Variants in SEC22A observed in about 807,000 individuals in gnomAD.
The protein encoded by SEC22A is vesicle-trafficking protein SEC22a.
A neutral mutation model predicts 35.3 loss-of-function variants in SEC22A; 22 were observed. The ratio of observed to expected loss-of-function variants is 0.62; its 90% confidence interval spans 0.45 to 0.89. The LOEUF is 0.89. Ranked by LOEUF, SEC22A falls within the 40% of genes least tolerant of loss-of-function variation. SEC22A has a pLI of 0.00. For missense variants in SEC22A, 354 were observed against 362.5 expected (o/e 0.98, Z 0.19); for synonymous variants, 119 against 129.5 (o/e 0.92, Z 0.55).
intron 2 of SEC22A, among the ~76,000 whole-genome samples, chr3:123,210,046 C>T (rs1936914536): frequency 6.6e-6 from 1 of 152,042 alleles, no homozygotes; most frequent in East Asian, 1.9e-4. Flanking sequence ...AAAGTGAGGC[C>T]AGAAAGGTAG....
intron 4 of SEC22A, among the ~76,000 whole-genome samples, chr3:123,239,443 C>T (rs1337253087): frequency 6.6e-6 from 1 of 151,984 alleles, no homozygotes; most frequent in Non-Finnish European, 1.5e-5. Flanking sequence ...CTATCCCTCC[C>T]CCCTCCACCC....
chr3:123,216,486 AT>A (rs1937026176), intron 2 of SEC22A, among the ~76,000 whole-genome samples: 1 of 152,178 alleles, frequency 6.6e-6, no homozygotes, highest in Non-Finnish European at 1.5e-5. Flanking sequence ...CATCTGGCAT[AT>A]TTCATATTAA....
intron 1 of SEC22A, among the ~76,000 whole-genome samples, chr3:123,203,987 T>C (rs905195494): frequency 6.6e-6 from 1 of 152,180 alleles, no homozygotes; most frequent in Non-Finnish European, 1.5e-5. Context: ...GTAGAAGGCA[T>C]AGGCAAAATG....
intron 6 of SEC22A, among the ~76,000 whole-genome samples, chr3:123,266,440 A>G (rs1040617458): frequency 1.1e-4 from 17 of 152,132 alleles, no homozygotes; most frequent in Non-Finnish European, 1.6e-4. Flanking sequence ...TTTCCGTCTT[A>G]GCACTTCTTT....
rs1407883536 is a variant in SEC22A, at chr3:123,209,309, A to G, written c.92A>G (p.Gln31Arg). The change falls in exon 2 of 7, where the codon CAG becomes CGG. Residue 31 changes from glutamine to arginine, a missense_variant. By Grantham distance (43) the Gln-to-Arg change is conservative. Transcript: ENST00000492595. ...STDYEQSTGMQECRKYFKMLS... is the reference protein window; with the variant it reads ...STDYEQSTGMRECRKYFKMLS... ...GATTATGAACAAAGCACAGGAATGC[A>G]GGAGTGCAGAAAGTATTTTAAAATG... 2 of 1,613,912 alleles carry G rather than the reference A, an allele frequency of 1.2e-6. No individual in the cohort carries two copies. The highest frequency in any genetic ancestry group is 1.7e-6 in the Non-Finnish European group (2 of 1,179,900).
At chr3:123,229,186 A>G (rs1262742005) in intron 4 of SEC22A, among the ~76,000 whole-genome samples, 1 of 152,248 alleles carries the variant, frequency 6.6e-6, no homozygotes, top group Non-Finnish European at 1.5e-5. Flanking sequence ...TAGATGAATC[A>G]TAGTAAAATG....
intron 2 of SEC22A, among the ~76,000 whole-genome samples, chr3:123,218,454 G>A (rs537981788): frequency 1.3e-5 from 2 of 152,196 alleles, no homozygotes; most frequent in Non-Finnish European, 2.9e-5. Flanking sequence ...AGGAGAGAGT[G>A]TGTGTTTGTA....
chr3:123,255,772 C>T (rs1341013624), intron 5 of SEC22A, among the ~76,000 whole-genome samples: 2 of 151,934 alleles, frequency 1.3e-5, no homozygotes, highest in Non-Finnish European at 1.5e-5. Flanking sequence ...TTTTAGTGGC[C>T]GCATGACTTT....
chr3:123,232,066 C>G lies in SEC22A; in HGVS notation c.541+6769C>G, dbSNP rs139912348. On this transcript the variant is annotated intron_variant, in intron 4 of 6. Transcript: ENST00000492595. ...CTAGCCTGGCCAACATAGCAAAACC[C>G]CATTTCTACTAAAAATACAAAAAAT... Among the ~76,000 whole-genome samples, 883 of 152,186 alleles carry G rather than the reference C, an allele frequency of 5.8e-3. 8 individuals carry two copies. Among genetic ancestry groups the G allele is most frequent in the African/African-American group, 0.02 (830 of 41,512 alleles).
chr3:123,269,343 A>G (rs1938106493), intron 6 of SEC22A, among the ~76,000 whole-genome samples: 1 of 152,178 alleles, frequency 6.6e-6, no homozygotes, highest in African/African-American at 2.4e-5. Context: ...GGCAAGAATC[A>G]TTAATGGATA....
chr3:123,238,963 TA>T (rs1258739794), intron 4 of SEC22A, among the ~76,000 whole-genome samples: 2 of 152,250 alleles, frequency 1.3e-5, no homozygotes, highest in African/African-American at 4.8e-5. Context: ...TACTCAACTA[TA>T]ACAACGATAT....
At chr3:123,246,979 C>T (rs866066081) in intron 5 of SEC22A, among the ~76,000 whole-genome samples, 1 of 152,212 alleles carries the variant, frequency 6.6e-6, no homozygotes, top group African/African-American at 2.4e-5. Flanking sequence ...AGGAGATGGA[C>T]AGGACTTCTT....
chr3:123,256,123 C>T (rs998852412), intron 5 of SEC22A, among the ~76,000 whole-genome samples: 7 of 151,908 alleles, frequency 4.6e-5, no homozygotes, highest in African/African-American at 1.5e-4. Flanking sequence ...CATAGTTGCC[C>T]CCAGAATGTT....
chr3:123,239,991 G>C (rs1404406745), intron 4 of SEC22A, among the ~76,000 whole-genome samples: 1 of 152,144 alleles, frequency 6.6e-6, no homozygotes, highest in Non-Finnish European at 1.5e-5. Context: ...TTCTATCTCT[G>C]GTTGTCTGAC....
At chr3:123,267,856 AT>A (rs968743387) in intron 6 of SEC22A, among the ~76,000 whole-genome samples, 1 of 151,974 alleles carries the variant, frequency 6.6e-6, no homozygotes, top group Non-Finnish European at 1.5e-5. Context: ...ATTTGGCAGT[AT>A]TTTTTTCTTT....
intron 4 of SEC22A, among the ~76,000 whole-genome samples, chr3:123,236,019 G>C (rs566006164): frequency 5.3e-5 from 8 of 152,280 alleles, no homozygotes; most frequent in African/African-American, 1.4e-4. Flanking sequence ...ACAGGAAGTA[G>C]ATTAATGATT....
chr3:123,227,197 A>G (rs1443601954), intron 4 of SEC22A, among the ~76,000 whole-genome samples: 1 of 151,764 alleles, frequency 6.6e-6, no homozygotes, highest in African/African-American at 2.4e-5. Context: ...TTTGTTTAAG[A>G]AAATTATTCC....
At chr3:123,256,389 A>G (rs1339346066) in intron 5 of SEC22A, among the ~76,000 whole-genome samples, 2 of 152,174 alleles carry the variant, frequency 1.3e-5, no homozygotes, top group Admixed American at 1.3e-4. Context: ...CTTTTCTTCC[A>G]TATGCCCAAC....
intron 4 of SEC22A, chr3:123,243,696 T>C (rs1216044748): frequency 2.0e-5 from 3 of 152,226 alleles, no homozygotes. Flanking sequence ...TTCGAAAGCA[T>C]AGCATCTTAC....
Sources: allele counts gnomAD v4.1 joint callset (sites outside exome capture counted in the v4.1 genomes callset), GRCh38; gene constraint gnomAD v4.1.1; transcripts MANE v1.5; gene names NCBI Gene and HGNC (gene_info 2026-07-23, HGNC 2026-07-21).